RAB3GAP1: variants seen among roughly 807,000 people sequenced by gnomAD.
RAB3GAP1 encodes rab3 GTPase-activating protein catalytic subunit.
Under a neutral mutation model 130.7 loss-of-function variants are expected in RAB3GAP1, and 86 were observed. The observed-to-expected ratio is 0.66, with a 90% CI of 0.55 to 0.79. The LOEUF (loss-of-function observed/expected upper bound fraction) is 0.79. RAB3GAP1 is among the 30% of genes least tolerant of loss of function. The pLI is 0.00. For synonymous variants in RAB3GAP1, 367 were observed against 401.7 expected (o/e 0.91, Z 1.03); for missense variants, 1,029 against 1,169.4 (o/e 0.88, Z 1.75).
chr2:135,072,780 A>G (rs1321989883), intron 3 of RAB3GAP1, among the ~76,000 whole-genome samples: 1 of 152,164 alleles, frequency 6.6e-6, no homozygotes, highest in African/African-American at 2.4e-5. Flanking sequence ...CCTCTTTACC[A>G]TTATAACCTT....
chr2:135,170,458 A>G lies in RAB3GAP1; in HGVS notation c.*1677A>G, dbSNP rs1692818457. 1 of 152,186 alleles carries G rather than the reference A, an allele frequency of 6.6e-6. No individual in the cohort carries two copies. The highest frequency in any genetic ancestry group is 2.4e-5 in the African/African-American group (1 of 41,448). 9.4% of individuals were successfully genotyped at this position (152,186 alleles called of 1,614,324 possible). On this transcript the variant is annotated 3_prime_UTR_variant, in exon 24 of 24. Coordinates refer to ENST00000264158, the MANE Select transcript of RAB3GAP1 (RefSeq NM_012233.3). ...ACTCCATTTTATTTTTATGATAGTTATGTATTTATTTCACAGATATATTTA... is the reference window on the plus strand; with the variant it reads ...ACTCCATTTTATTTTTATGATAGTTGTGTATTTATTTCACAGATATATTTA...
chr2:135,052,498 C>G lies in RAB3GAP1; in HGVS notation c.74+13C>G. 2 of 1,613,174 alleles carry G rather than the reference C, an allele frequency of 1.2e-6. No homozygotes were observed. The highest frequency in any genetic ancestry group is 1.7e-6 in the Non-Finnish European group (2 of 1,180,018). On this transcript the variant is annotated intron_variant, in intron 2 of 23. Coordinates refer to ENST00000264158, the MANE Select transcript of RAB3GAP1 (RefSeq NM_012233.3). ...CGGAATGGGAAAGGTGAGTGAATCG[C>G]ATTTTTGGTTACCAGCTCCCATGGG...
At chr2:135,118,609 T>A (rs914032050) in intron 7 of RAB3GAP1, among the ~76,000 whole-genome samples, 5 of 152,320 alleles carry the variant, frequency 3.3e-5, no homozygotes, top group Admixed American at 6.5e-5. Flanking sequence ...TCATTTTGAA[T>A]GAGTTTCATT....
chr2:135,054,110 G>A (rs2104815959), intron 2 of RAB3GAP1, among the ~76,000 whole-genome samples: 1 of 152,302 alleles, frequency 6.6e-6, no homozygotes, highest in Middle Eastern at 3.4e-3. Flanking sequence ...CTAAATACAG[G>A]AATCCAGATT....
chr2:135,057,041 AATT>A (rs988812811), intron 2 of RAB3GAP1, among the ~76,000 whole-genome samples: 6 of 152,174 alleles, frequency 3.9e-5, no homozygotes, highest in Non-Finnish European at 7.3e-5. Flanking sequence ...GAGTAAGAAT[AATT>A]CTTCTGAAAA....
intron 17 of RAB3GAP1, among the ~76,000 whole-genome samples, chr2:135,145,987 C>G (rs1022506053): frequency 1.3e-5 from 2 of 152,070 alleles, no homozygotes; most frequent in African/African-American, 4.8e-5. Flanking sequence ...AACATGGATT[C>G]TGTTAACTTT....
Position 135,133,843 on chromosome 2 carries a change from C to A in RAB3GAP1, c.1327-18C>A. ...TTTTGGTAACAAGTTTGCTTTGTTT[C>A]TATTTTGTTAAATTTAGAATCTCTA... is the stretch of plus-strand genomic sequence containing the variant. On this transcript the variant is annotated intron_variant, in intron 14 of 23. Coordinates refer to ENST00000264158, the MANE Select transcript of RAB3GAP1 (RefSeq NM_012233.3). 1.9e-6 allele frequency: 3 copies of A among 1,610,172 alleles called. No homozygotes were observed. The highest frequency in any genetic ancestry group is 2.2e-5 in the South Asian group (2 of 90,956).
At chr2:135,103,034 G>GTTTT (rs1355666279) in intron 5 of RAB3GAP1, among the ~76,000 whole-genome samples, 2 of 100,462 alleles carry the variant, frequency 2.0e-5, no homozygotes, top group Admixed American at 1.0e-4. Context: ...TCATTTTTGT[G>GTTTT]ATTTTTTTTT....
intron 3 of RAB3GAP1, among the ~76,000 whole-genome samples, chr2:135,074,678 A>T (rs901868704): frequency 6.6e-6 from 1 of 152,208 alleles, no homozygotes; most frequent in African/African-American, 2.4e-5. Flanking sequence ...AAAATGTTGC[A>T]GGTGCCACTG....
intron 3 of RAB3GAP1, among the ~76,000 whole-genome samples, chr2:135,085,026 A>T (rs1689933999): frequency 6.6e-6 from 1 of 152,202 alleles, no homozygotes; most frequent in South Asian, 2.1e-4. Flanking sequence ...GCACAGGTGT[A>T]TAAAGAAAGC....
rs1326377415 is a variant in RAB3GAP1, at chr2:135,169,004, C to T, written c.*223C>T. ...GCTTGAGCTGTTGAGAGATTTCTGC[C>T]CTAGAGATGGCCTTTGTATATGGGG... On this transcript the variant is annotated 3_prime_UTR_variant, in exon 24 of 24. Transcript: ENST00000264158. 2.0e-6 allele frequency: 1 copy of T among 499,896 alleles called. No homozygotes were observed. Among genetic ancestry groups the T allele is most frequent in the Non-Finnish European group, 3.6e-6 (1 of 281,316 alleles). The allele number at this position is 499,896 out of a possible 1,614,324, so 31.0% of individuals were successfully genotyped here.
chr2:135,105,434 C>G (rs1222010652), intron 5 of RAB3GAP1, among the ~76,000 whole-genome samples: 1 of 151,868 alleles, frequency 6.6e-6, no homozygotes, highest in Non-Finnish European at 1.5e-5. Context: ...GGGTTTCACT[C>G]TGTTGGCCGG....
chr2:135,104,331 T>G (rs1011137292), intron 5 of RAB3GAP1, among the ~76,000 whole-genome samples: 2 of 152,134 alleles, frequency 1.3e-5, no homozygotes, highest in Non-Finnish European at 2.9e-5. Context: ...TATCAAAATA[T>G]AGAGTTTTCA....
intron 19 of RAB3GAP1, among the ~76,000 whole-genome samples, chr2:135,156,790 A>G (rs1000702602): frequency 6.6e-6 from 1 of 152,182 alleles, no homozygotes; most frequent in Non-Finnish European, 1.5e-5. Context: ...TGTAATTAGC[A>G]AGAGAAAGCA....
rs543512509 is a variant in RAB3GAP1 at position 135,129,499 on chromosome 2, AAAG to A, written c.974-493_974-491del. On this transcript the variant is annotated intron_variant, in intron 11 of 23. Transcript: ENST00000264158. ...TAAAAAATAATAGTAATAATGACGG[AAAG>A]AATACCATTAATATGTAGCAGAAAC... Among the ~76,000 whole-genome samples the A allele has an allele frequency of 5.4e-3, 820 of 152,008 alleles. 6 individuals are homozygous for A. The highest frequency in any genetic ancestry group is 0.019 in the African/African-American group (789 of 41,534).
At chr2:135,142,097 T>C (rs1189777315) in intron 17 of RAB3GAP1, among the ~76,000 whole-genome samples, 1 of 152,218 alleles carries the variant, frequency 6.6e-6, no homozygotes, top group Non-Finnish European at 1.5e-5. Context: ...AAAATCTTGC[T>C]GGGATTTTAA....
At position 135,136,027 on chromosome 2, in the gene RAB3GAP1, C is replaced by T. The variant is rs990534286; in HGVS notation, c.1923+95C>T. On this transcript the variant is annotated intron_variant, in intron 17 of 23. Transcript: ENST00000264158. The stretch of plus-strand genomic sequence containing the variant: ...AGTGCTTTGAGTAAGGAAAATTATC[C>T]AAAAAGTCTATGTTTAGGCCAGATG... 3.3e-6 allele frequency: 5 copies of T among 1,523,714 alleles called. No homozygotes were observed. The African/African-American group carries it at 6.9e-5, about 21-fold the overall frequency. 94.4% of individuals were successfully genotyped at this position (1,523,714 alleles called of 1,614,324 possible).
intron 4 of RAB3GAP1, among the ~76,000 whole-genome samples, chr2:135,091,369 A>G (rs1690136630): frequency 1.3e-5 from 2 of 152,142 alleles, no homozygotes; most frequent in Non-Finnish European, 2.9e-5. Flanking sequence ...TCCAAGCCCT[A>G]CATTCCAGTA....
At chr2:135,066,843 G>A (rs188659330) in intron 3 of RAB3GAP1, among the ~76,000 whole-genome samples, 68 of 152,174 alleles carry the variant, frequency 4.5e-4, no homozygotes, top group African/African-American at 1.6e-3. Flanking sequence ...GTTAAGTTTA[G>A]GTATGTCATG....
Sources: gnomAD v4.1 joint callset for allele counts (sites outside exome capture counted in the v4.1 genomes callset) on GRCh38, gnomAD v4.1.1 for gene constraint, MANE v1.5 for transcripts, NCBI Gene and HGNC (gene_info 2026-07-23, HGNC 2026-07-21) for gene names.